ERC2: variants seen among roughly 807,000 people sequenced by gnomAD.
The protein encoded by ERC2 is ERC protein 2.
ERC2 carries 42 observed loss-of-function variants against 114.8 expected under a neutral mutation model. The ratio of observed to expected loss-of-function variants is 0.37; its 90% CI spans 0.29 to 0.47. ERC2 has a LOEUF of 0.47. Ranked by LOEUF, ERC2 falls within the 20% of genes least tolerant of loss-of-function variation. ERC2 has a pLI of 0.99. For synonymous variants in ERC2, 454 were observed against 425.5 expected (o/e 1.07, Z -0.82); for missense variants, 939 against 1,150.7 (o/e 0.82, Z 2.66).
intron 17 of ERC2, among the ~76,000 whole-genome samples, chr3:55,645,936 T>A (rs574541011): frequency 6.6e-6 from 1 of 152,290 alleles, no homozygotes; most frequent in Non-Finnish European, 1.5e-5. Context: ...AAAAAAGCCA[T>A]GTTGCACATA....
intron 7 of ERC2, among the ~76,000 whole-genome samples, chr3:56,040,644 A>AGATGTATATGTATATATACATATATT (rs2075118303): frequency 7.1e-6 from 1 of 141,452 alleles, no homozygotes; most frequent in Non-Finnish European, 1.5e-5. Context: ...ATACATATAT[A>AGATGTATATGTATATATACATATATT]GATGTATATG....
intron 17 of ERC2, among the ~76,000 whole-genome samples, chr3:55,546,651 C>T (rs1285148278): frequency 2.6e-5 from 4 of 152,196 alleles, no homozygotes; most frequent in Non-Finnish European, 5.9e-5. Flanking sequence ...CCAATCAAAA[C>T]GAGGTGTTGA....
intron 17 of ERC2, among the ~76,000 whole-genome samples, chr3:55,570,353 T>C (rs974721598): frequency 2.0e-5 from 3 of 152,100 alleles, no homozygotes; most frequent in Non-Finnish European, 2.9e-5. Context: ...AATCACAGCA[T>C]GGTCACGGTA....
intron 6 of ERC2, among the ~76,000 whole-genome samples, chr3:56,133,594 T>C (rs972901245): frequency 3.3e-5 from 5 of 152,220 alleles, no homozygotes; most frequent in African/African-American, 1.2e-4. Flanking sequence ...CATTTACCTC[T>C]GTATGACCTT....
chr3:56,077,773 T>C (rs2077043588), intron 7 of ERC2, among the ~76,000 whole-genome samples: 1 of 152,198 alleles, frequency 6.6e-6, no homozygotes, highest in Admixed American at 6.5e-5. Context: ...TTATTATATA[T>C]TCCTAAAGAC....
chr3:56,224,703 C>T (rs2050138967), intron 3 of ERC2, among the ~76,000 whole-genome samples: 1 of 152,168 alleles, frequency 6.6e-6, no homozygotes, highest in African/African-American at 2.4e-5. Context: ...CAAGAATACC[C>T]ACAGTTACAA....
At chr3:56,223,616 A>G (rs568045136) in intron 3 of ERC2, among the ~76,000 whole-genome samples, 1 of 151,820 alleles carries the variant, frequency 6.6e-6, no homozygotes, top group Non-Finnish European at 1.5e-5. Context: ...CCTGCAATGT[A>G]TATAACTCTC....
rs368271497 is a variant in ERC2, at chr3:55,974,087, C to T, written c.2267+11890G>A. ...ACTGAGAAGCCAGCACAGATCCTTT[C>T]TATCAGGCATACCGACAAAGTAATC... On this transcript the variant is annotated intron_variant, in intron 12 of 17. Coordinates refer to ENST00000288221, the MANE Select transcript of ERC2 (RefSeq NM_015576.3). Among the ~76,000 whole-genome samples the T allele has an allele frequency of 9.8e-5, 15 of 152,302 alleles. 1 individual carries two copies. The South Asian group carries it at 3.1e-3, about 32-fold the overall frequency.
At chr3:55,577,717 G>T (rs180763684) in intron 17 of ERC2, among the ~76,000 whole-genome samples, 1 of 152,148 alleles carries the variant, frequency 6.6e-6, no homozygotes. Context: ...AACCTGCTAG[G>T]TGGTGGCCAC....
chr3:55,533,908 C>T (rs2053827388), intron 17 of ERC2, among the ~76,000 whole-genome samples: 1 of 152,186 alleles, frequency 6.6e-6, no homozygotes, highest in Non-Finnish European at 1.5e-5. Context: ...CAGCGAGGGG[C>T]AGGTCACCCA....
chr3:56,292,454 G>A (rs376895475), intron 3 of ERC2, among the ~76,000 whole-genome samples: 6 of 151,302 alleles, frequency 4.0e-5, no homozygotes, highest in South Asian at 2.1e-4. Flanking sequence ...GCCAGGCATC[G>A]TGGCACATGC....
intron 17 of ERC2, among the ~76,000 whole-genome samples, chr3:55,579,791 T>C (rs2057166753): frequency 6.6e-6 from 1 of 152,216 alleles, no homozygotes; most frequent in African/African-American, 2.4e-5. Flanking sequence ...CGCACTCGGC[T>C]CATGATTTAA....
chr3:56,040,401 C>T (rs934673180), intron 7 of ERC2, among the ~76,000 whole-genome samples: 1 of 151,016 alleles, frequency 6.6e-6, no homozygotes, highest in Non-Finnish European at 1.5e-5. Flanking sequence ...GTCACCTAGG[C>T]CGGAGTGCAG....
At chr3:56,005,310 T>C (rs1166089981) in intron 10 of ERC2, among the ~76,000 whole-genome samples, 2 of 152,070 alleles carry the variant, frequency 1.3e-5, no homozygotes, top group African/African-American at 2.4e-5. Flanking sequence ...CTGTCAGGAA[T>C]AATGCTACAA....
intron 14 of ERC2, among the ~76,000 whole-genome samples, chr3:55,843,331 T>C (rs2061218116): frequency 6.6e-6 from 1 of 152,204 alleles, no homozygotes; most frequent in South Asian, 2.1e-4. Context: ...AGGAACCTGG[T>C]TTCCTGTCAA....
intron 2 of ERC2, among the ~76,000 whole-genome samples, chr3:56,406,386 A>G (rs970849279): frequency 1.3e-5 from 2 of 152,156 alleles, no homozygotes; most frequent in African/African-American, 4.8e-5. Context: ...AGACCAGAGT[A>G]GGGAGGGGCT....
intron 4 of ERC2, among the ~76,000 whole-genome samples, chr3:56,168,038 G>T (rs75908216): frequency 6.6e-6 from 1 of 152,102 alleles, no homozygotes; most frequent in African/African-American, 2.4e-5. Context: ...AAGAAAAAAC[G>T]TTTGAACCTT....
In ERC2 at chr3:55,575,834, C is replaced by T. The variant is rs550923305; in HGVS notation, c.*40-64558G>A. Among the ~76,000 whole-genome samples, 3 of 152,322 alleles carry T rather than the reference C, an allele frequency of 2.0e-5. No homozygotes were observed. The South Asian group carries it at 6.2e-4, about 32-fold the overall frequency. On this transcript the variant is annotated intron_variant, in intron 17 of 17. Coordinates refer to ENST00000288221, the MANE Select transcript of ERC2 (RefSeq NM_015576.3). ...TCAAACCCTGCCTGGGACTTTGTGC[C>T]AAGCCCTGGGCTGTGCATTAGACAC...
At chr3:55,680,921 G>T (rs536762834) in intron 17 of ERC2, among the ~76,000 whole-genome samples, 1 of 152,310 alleles carries the variant, frequency 6.6e-6, no homozygotes, top group South Asian at 2.1e-4. Flanking sequence ...AAATGAACAT[G>T]TGAGGCCCCT....
Sources: gnomAD v4.1 joint callset for allele counts (sites outside exome capture counted in the v4.1 genomes callset) on GRCh38, gnomAD v4.1.1 for gene constraint, MANE v1.5 for transcripts, NCBI Gene and HGNC (gene_info 2026-07-23, HGNC 2026-07-21) for gene names.